ANTXR1: variants seen among roughly 807,000 people sequenced by gnomAD.
The protein encoded by ANTXR1 is anthrax toxin receptor 1.
ANTXR1 carries 19 observed loss-of-function variants against 78.1 expected under a neutral mutation model. The ratio of observed to expected loss-of-function variants is 0.24; its 90% confidence interval spans 0.17 to 0.36. The LOEUF (loss-of-function observed/expected upper bound fraction) is 0.36. Among genes scored for constraint, ANTXR1 ranks in the 10% least tolerant of loss-of-function variants. ANTXR1 has a pLI of 1.00. For missense variants in ANTXR1, 518 were observed against 718.6 expected (o/e 0.72, Z 3.19); for synonymous variants, 273 against 260.5 (o/e 1.05, Z -0.46).
chr2:69,182,313 C>T (rs191682883), intron 15 of ANTXR1, among the ~76,000 whole-genome samples, 180 bp from the exon 16 acceptor site: 1 of 152,346 alleles, frequency 6.6e-6, no homozygotes, highest in Admixed American at 6.5e-5. Flanking sequence ...CAGCTCTCTG[C>T]TCCTTTGGTC....
rs373019557 is a variant in ANTXR1, at chr2:69,044,695, T to C, written c.225-47T>C. ...GGGAGGGAGCCTGAAGGGAGTGGCATGCGCAGTCTTATTGTCTGTCCTAAT... is the reference window on the plus strand; with the variant it reads ...GGGAGGGAGCCTGAAGGGAGTGGCACGCGCAGTCTTATTGTCTGTCCTAAT... On this transcript the variant is annotated intron_variant, in intron 2 of 17. Coordinates refer to ENST00000303714, the MANE Select transcript of ANTXR1 (RefSeq NM_032208.3). 4 of 1,583,448 alleles carry C rather than the reference T, an allele frequency of 2.5e-6. No homozygotes were observed. In the African/African-American group the frequency reaches 4.0e-5, roughly 16 times the overall value.
intron 17 of ANTXR1, among the ~76,000 whole-genome samples, chr2:69,198,406 A>G (rs1674708282): frequency 6.6e-6 from 1 of 151,978 alleles, no homozygotes; most frequent in South Asian, 2.1e-4. Flanking sequence ...TTTCCACTGG[A>G]TATTTTAGTG....
chr2:69,120,478 A>G (rs1265022420), intron 10 of ANTXR1, among the ~76,000 whole-genome samples: 1 of 152,182 alleles, frequency 6.6e-6, no homozygotes, highest in African/African-American at 2.4e-5. Context: ...AGCCTGGCCA[A>G]TATGGTGAAA....
At chr2:69,164,270 C>T (rs1248119225) in intron 13 of ANTXR1, among the ~76,000 whole-genome samples, 3 of 152,202 alleles carry the variant, frequency 2.0e-5, no homozygotes, top group Non-Finnish European at 4.4e-5. Context: ...TGACGCAATG[C>T]ATCCAAGCAT....
At chr2:69,080,011 T>C (rs191883236) in intron 8 of ANTXR1, among the ~76,000 whole-genome samples, 1 of 152,354 alleles carries the variant, frequency 6.6e-6, no homozygotes, top group East Asian at 1.9e-4. Flanking sequence ...CTTTAAGAAA[T>C]TTTAGCGAAA....
chr2:69,148,682 TAAC>T (rs879921935), intron 12 of ANTXR1, among the ~76,000 whole-genome samples: 1 of 152,194 alleles, frequency 6.6e-6, no homozygotes, highest in Non-Finnish European at 1.5e-5. Context: ...TCCGCTGTGC[TAAC>T]AACAATGTTA....
chr2:69,107,195 C>G (rs1302598435), intron 10 of ANTXR1, among the ~76,000 whole-genome samples: 1 of 151,922 alleles, frequency 6.6e-6, no homozygotes, highest in Non-Finnish European at 1.5e-5. Context: ...TGACCCATAT[C>G]AGATATGTAC....
intron 9 of ANTXR1, among the ~76,000 whole-genome samples, chr2:69,095,789 G>A (rs769262589): frequency 3.9e-5 from 6 of 152,144 alleles, no homozygotes; most frequent in Non-Finnish European, 8.8e-5. Context: ...AACCTCCTCC[G>A]GGTCTCCTTT....
chr2:69,027,964 C>G (rs901778261), intron 1 of ANTXR1, among the ~76,000 whole-genome samples: 1 of 151,838 alleles, frequency 6.6e-6, no homozygotes, highest in Non-Finnish European at 1.5e-5. Flanking sequence ...AATTTAAAGT[C>G]ACCAAAGAAG....
chr2:69,108,444 T>C (rs1200312652), intron 10 of ANTXR1, among the ~76,000 whole-genome samples: 1 of 152,180 alleles, frequency 6.6e-6, no homozygotes, highest in Non-Finnish European at 1.5e-5. Flanking sequence ...AAGAAAAATA[T>C]AGCAACAACA....
At chr2:69,132,904 G>A (rs969935407) in intron 12 of ANTXR1, among the ~76,000 whole-genome samples, 15 of 152,196 alleles carry the variant, frequency 9.9e-5, no homozygotes, top group Non-Finnish European at 1.8e-4. Flanking sequence ...TGCCAAGGCA[G>A]GATATATTAC....
At chr2:69,171,122 G>A (rs774216568) in intron 14 of ANTXR1, among the ~76,000 whole-genome samples, 33 of 152,308 alleles carry the variant, frequency 2.2e-4, no homozygotes, top group Middle Eastern at 3.4e-3. Flanking sequence ...AATCCCTAAC[G>A]TCTGTTGTGT....
chr2:69,013,708 C>T lies in ANTXR1; in HGVS notation c.152+57C>T. ...GGCTAAGCGGGCGAAAACGCTTTCG[C>T]CCCGGGCCGGGCTCGTTGGCAGGGT... is the stretch of plus-strand genomic sequence containing the variant. On this transcript the variant is annotated intron_variant, in intron 1 of 17. Transcript: ENST00000303714. The surrounding 1 kb of genome is among the most constrained non-coding windows in gnomAD (Gnocchi z 5.0). The T allele has an allele frequency of 1.9e-6, 3 of 1,551,034 alleles. No individual in the cohort carries two copies. Among genetic ancestry groups the T allele is most frequent in the Non-Finnish European group, 2.6e-6 (3 of 1,146,668 alleles).
chr2:69,210,975 A>G (rs1675028695), intron 17 of ANTXR1, among the ~76,000 whole-genome samples: 2 of 151,716 alleles, frequency 1.3e-5, no homozygotes, highest in South Asian at 4.2e-4. Context: ...TGGTTGTCAC[A>G]AAGTGATAAT....
intron 17 of ANTXR1, among the ~76,000 whole-genome samples, chr2:69,225,349 A>C (rs4854475): frequency 6.6e-6 from 1 of 151,966 alleles, no homozygotes; most frequent in Admixed American, 6.6e-5. Context: ...GGACAGTGGC[A>C]TATGCCTGTA....
At chr2:69,131,367 A>G (rs1180453449) in intron 12 of ANTXR1, among the ~76,000 whole-genome samples, 1 of 152,138 alleles carries the variant, frequency 6.6e-6, no homozygotes, top group African/African-American at 2.4e-5. Context: ...AGAGCCACAG[A>G]CTTGTTCATT....
At chr2:69,209,022 C>G (rs1466731147) in intron 17 of ANTXR1, among the ~76,000 whole-genome samples, 2 of 152,040 alleles carry the variant, frequency 1.3e-5, no homozygotes, top group African/African-American at 4.8e-5. Context: ...CCTGCCTCAG[C>G]CTCCCAAGTA....
chr2:69,175,372 G>A (rs1336398792), intron 14 of ANTXR1, among the ~76,000 whole-genome samples: 1 of 152,168 alleles, frequency 6.6e-6, no homozygotes, highest in Non-Finnish European at 1.5e-5. Flanking sequence ...CACCTTGGGA[G>A]GCTGAAGCAG....
chr2:69,065,570 C>T (rs1670374421), intron 3 of ANTXR1, among the ~76,000 whole-genome samples: 1 of 151,452 alleles, frequency 6.6e-6, no homozygotes, highest in Non-Finnish European at 1.5e-5. Flanking sequence ...GAAATATATT[C>T]AACAATTATA....
Sources: allele counts gnomAD v4.1 joint callset (sites outside exome capture counted in the v4.1 genomes callset), GRCh38; gene constraint gnomAD v4.1.1; non-coding constraint Gnocchi (gnomAD v3.1); transcripts MANE v1.5; gene names NCBI Gene and HGNC (gene_info 2026-07-23, HGNC 2026-07-21).